Variants in GRID1 observed in about 807,000 individuals in gnomAD.
GRID1 encodes glutamate ionotropic receptor delta type subunit 1.
A neutral mutation model predicts 98.0 loss-of-function variants in GRID1; 28 were observed. The observed-to-expected ratio is 0.29, with a 90% CI of 0.21 to 0.39. The LOEUF (loss-of-function observed/expected upper bound fraction) is 0.39, where lower values mean the gene tolerates loss of function less well. Among genes scored for constraint, GRID1 ranks in the 10% least tolerant of loss-of-function variants. The probability of loss-of-function intolerance (pLI) is 1.00; values close to 1 mark genes in which losing one functional copy is unlikely to be tolerated. For synonymous variants in GRID1, 553 were observed against 538.5 expected (o/e 1.03, Z -0.37); for missense variants, 1,111 against 1,340.5 (o/e 0.83, Z 2.67).
At chr10:86,224,273 CA>C (rs1425218134) in intron 2 of GRID1, among the ~76,000 whole-genome samples, 25 of 152,184 alleles carry the variant, frequency 1.6e-4, no homozygotes, top group Admixed American at 1.6e-3. Context: ...TAAGTGAGCC[CA>C]AGTGTCCACA....
At chr10:86,079,703 A>T (rs1403377603) in intron 4 of GRID1, among the ~76,000 whole-genome samples, 1 of 152,154 alleles carries the variant, frequency 6.6e-6, no homozygotes, top group Non-Finnish European at 1.5e-5. Flanking sequence ...ATGGTGATAA[A>T]AAGCACCTCC....
At chr10:86,022,287 T>G (rs1843060125) in intron 4 of GRID1, among the ~76,000 whole-genome samples, 1 of 152,210 alleles carries the variant, frequency 6.6e-6, no homozygotes, top group South Asian at 2.1e-4. Context: ...TTCTAATACT[T>G]GAATCAAGTG....
intron 2 of GRID1, among the ~76,000 whole-genome samples, chr10:86,219,614 G>A (rs1167904571): frequency 6.6e-6 from 1 of 152,216 alleles, no homozygotes; most frequent in Non-Finnish European, 1.5e-5. Context: ...CCGTCCCAGA[G>A]TGAGGGCAGG....
At chr10:86,335,587 T>C (rs1157449410) in intron 2 of GRID1, among the ~76,000 whole-genome samples, 1 of 152,218 alleles carries the variant, frequency 6.6e-6, no homozygotes, top group Non-Finnish European at 1.5e-5. Flanking sequence ...GACATACTGC[T>C]CTATTCTTCC....
chr10:85,699,329 T>C (rs1237864733), intron 12 of GRID1, among the ~76,000 whole-genome samples: 2 of 152,158 alleles, frequency 1.3e-5, no homozygotes, highest in African/African-American at 2.4e-5. Flanking sequence ...GTTGGGACTA[T>C]AGGCATGAGC....
At chr10:85,963,714 T>G (rs1842300884) in intron 4 of GRID1, among the ~76,000 whole-genome samples, 1 of 152,234 alleles carries the variant, frequency 6.6e-6, no homozygotes, top group Non-Finnish European at 1.5e-5. Context: ...CTACATTCCT[T>G]GAGCCATTAC....
At chr10:85,865,347 G>T (rs1843204816) in intron 6 of GRID1, among the ~76,000 whole-genome samples, 1 of 152,112 alleles carries the variant, frequency 6.6e-6, no homozygotes, top group Non-Finnish European at 1.5e-5. Context: ...TTCTTGGTTG[G>T]CTTTAGAGCA....
At chr10:85,952,691 AC>A (rs1842140102) in intron 4 of GRID1, among the ~76,000 whole-genome samples, 1 of 152,220 alleles carries the variant, frequency 6.6e-6, no homozygotes, top group East Asian at 1.9e-4. Context: ...TGCAAATTGA[AC>A]AACATCTCTA....
chr10:85,694,558 A>G (rs1289693692), intron 12 of GRID1, among the ~76,000 whole-genome samples: 394 of 5,484 alleles, frequency 0.072, 13 homozygotes, highest in Non-Finnish European at 0.1. Context: ...GTGTATATAT[A>G]TATATATATA....
At chr10:85,747,904 T>G (rs937306756) in intron 8 of GRID1, among the ~76,000 whole-genome samples, 2 of 152,216 alleles carry the variant, frequency 1.3e-5, no homozygotes, top group African/African-American at 2.4e-5. Context: ...CCAGTAAGTC[T>G]TCTTTAGTTT....
Position 85,916,255 on chromosome 10 carries a change from G to A in GRID1, c.727-16C>T, listed in dbSNP as rs367947004. The A allele has an allele frequency of 6.1e-5, 98 of 1,595,826 alleles. No individual in the cohort carries two copies. Among genetic ancestry groups the A allele is most frequent in the Non-Finnish European group, 8.2e-5 (95 of 1,163,540 alleles). On this transcript the variant is annotated splice_polypyrimidine_tract_variant and intron_variant, in intron 4 of 15. Transcript: ENST00000327946. The surrounding 1 kb of genome is among the most constrained non-coding windows in gnomAD (Gnocchi z 4.0). Reference sequence around the variant, plus strand: ...TCTCCACGGCCTGCAGAGAGAAAAAGAACGAACATGAACAGAAGCAAGACA... The same window carrying A: ...TCTCCACGGCCTGCAGAGAGAAAAAAAACGAACATGAACAGAAGCAAGACA...
chr10:86,167,254 C>A (rs1845413337), intron 3 of GRID1, among the ~76,000 whole-genome samples: 1 of 152,242 alleles, frequency 6.6e-6, no homozygotes, highest in South Asian at 2.1e-4. Flanking sequence ...GGAGGCCAAA[C>A]CCTCCCTGCT....
intron 2 of GRID1, among the ~76,000 whole-genome samples, chr10:86,227,653 C>T (rs1049331027): frequency 1.3e-5 from 2 of 152,094 alleles, no homozygotes; most frequent in Non-Finnish European, 2.9e-5. Flanking sequence ...CACGTCTGAG[C>T]CCCAGCCCAT....
Position 85,602,435 on chromosome 10 carries a change from G to T in GRID1, c.2868C>A (p.Ser956Arg). The change falls in exon 16 of 16, where the codon AGC (serine) becomes AGA (arginine). Residue 956 changes from serine to arginine, a missense_variant. Around this residue, in one of 3 missense-constraint regions of GRID1, gnomAD observed 762 missense variants for 869.1 expected, o/e 0.88. Coordinates refer to ENST00000327946, the MANE Select transcript of GRID1 (RefSeq NM_017551.3). ...GPSSNLPLPL[S>R]SSATMPSMQC... is the part of the protein sequence containing the mutation. The stretch of plus-strand genomic sequence containing the variant: ...GCATGGAGGGCATGGTCGCCGAGCT[G>T]CTCAGCGGCAGCGGCAGGTTGCTGC... 3.7e-6 allele frequency: 6 copies of T among 1,614,178 alleles called. No homozygotes were observed. The highest frequency in any genetic ancestry group is 5.1e-6 in the Non-Finnish European group (6 of 1,180,042).
At chr10:85,881,356 C>T (rs1238076690) in intron 5 of GRID1, among the ~76,000 whole-genome samples, 2 of 152,212 alleles carry the variant, frequency 1.3e-5, no homozygotes, top group Non-Finnish European at 2.9e-5. Flanking sequence ...AGGCATCACA[C>T]TACCTGACGT....
At chr10:86,098,353 G>C (rs1844250288) in intron 4 of GRID1, among the ~76,000 whole-genome samples, 1 of 152,026 alleles carries the variant, frequency 6.6e-6, no homozygotes, top group Admixed American at 6.6e-5. Context: ...TTTTCCCTTA[G>C]AGCCTACACA....
Position 86,206,676 on chromosome 10 carries a change from G to C in GRID1, c.236-28C>G. 6.3e-7 allele frequency: 1 copy of C among 1,595,118 alleles called. No homozygotes were observed. Among genetic ancestry groups the C allele is most frequent in the Non-Finnish European group, 8.6e-7 (1 of 1,166,788 alleles). On this transcript the variant is annotated intron_variant, in intron 2 of 15. Transcript: ENST00000327946. The surrounding 1 kb of genome is among the most constrained non-coding windows in gnomAD (Gnocchi z 4.1). ...AGAAAGAGAGAAGAGAGAGAGGAAG[G>C]GGTCAGCATCAGGGCGATGCTGCAC...
chr10:86,257,866 C>T (rs571978358), intron 2 of GRID1, among the ~76,000 whole-genome samples: 1 of 152,316 alleles, frequency 6.6e-6, no homozygotes, highest in African/African-American at 2.4e-5. Context: ...AACAGGGGAG[C>T]AATGCCAAGG....
At chr10:86,039,765 G>T (rs1364666804) in intron 4 of GRID1, among the ~76,000 whole-genome samples, 1 of 152,126 alleles carries the variant, frequency 6.6e-6, no homozygotes, top group East Asian at 1.9e-4. Flanking sequence ...ATCCATTTTT[G>T]GTCTCAGCTC....
Sources: gnomAD v4.1 joint callset for allele counts (sites outside exome capture counted in the v4.1 genomes callset) on GRCh38, gnomAD v4.1.1 for gene constraint, gnomAD v4.1.1 regional missense constraint, Gnocchi (gnomAD v3.1) non-coding constraint, MANE v1.5 for transcripts, NCBI Gene and HGNC (gene_info 2026-07-23, HGNC 2026-07-21) for gene names.